SLC22A23: variants seen among roughly 807,000 people sequenced by gnomAD.
The protein encoded by SLC22A23 is solute carrier family 22 member 23, also known as ion transporter protein.
Under a neutral mutation model 61.0 loss-of-function variants are expected in SLC22A23, and 26 were observed. The observed-to-expected ratio is 0.43, with a 90% CI of 0.31 to 0.59. SLC22A23 has a LOEUF of 0.59. SLC22A23 is among the 20% of genes least tolerant of loss of function. SLC22A23 has a pLI of 0.11. For missense variants in SLC22A23, 796 were observed against 934.7 expected (o/e 0.85, Z 1.94); for synonymous variants, 430 against 413.9 (o/e 1.04, Z -0.47).
intron 3 of SLC22A23, among the ~76,000 whole-genome samples, chr6:3,339,306 G>T (rs1255131473): frequency 6.6e-6 from 1 of 152,116 alleles, no homozygotes; most frequent in Non-Finnish European, 1.5e-5. Context: ...TGTCTTCAAA[G>T]ACTTTGTCAA....
intron 3 of SLC22A23, among the ~76,000 whole-genome samples, chr6:3,389,770 C>T (rs1472422140): frequency 6.6e-6 from 1 of 152,244 alleles, no homozygotes; most frequent in Non-Finnish European, 1.5e-5. Context: ...GGATCAGAAT[C>T]ACCCCTGCAA....
chr6:3,449,462 A>G (rs1772065755), intron 1 of SLC22A23, among the ~76,000 whole-genome samples: 1 of 152,250 alleles, frequency 6.6e-6, no homozygotes, highest in South Asian at 2.1e-4. Flanking sequence ...ATAAATACAT[A>G]AGAAAATAAT....
In SLC22A23 at chr6:3,333,943, G is replaced by A. The variant is rs1054261247; in HGVS notation, c.914-9941C>T. Among the ~76,000 whole-genome samples, 3 of 152,226 alleles carry A rather than the reference G, an allele frequency of 2.0e-5. No individual in the cohort carries two copies. The highest frequency in any genetic ancestry group is 2.9e-5 in the Non-Finnish European group (2 of 68,040). On this transcript the variant is annotated intron_variant, in intron 3 of 9. Coordinates refer to ENST00000406686, the MANE Select transcript of SLC22A23 (RefSeq NM_015482.2). This position sits in a 1 kb window ranked among gnomAD's most constrained non-coding sequence, Gnocchi z 4.1. ...TAGCCACTGAATCCTCCTCATAAGCGGATGAGGTTGGGAATGGTGATGCTG... is the reference window on the plus strand; with the variant it reads ...TAGCCACTGAATCCTCCTCATAAGCAGATGAGGTTGGGAATGGTGATGCTG...
At chr6:3,385,963 G>T (rs1767275500) in intron 3 of SLC22A23, among the ~76,000 whole-genome samples, 2 of 152,136 alleles carry the variant, frequency 1.3e-5, no homozygotes, top group Non-Finnish European at 2.9e-5. Flanking sequence ...TAGCCTATTA[G>T]GCTGCCAAGA....
intron 2 of SLC22A23, among the ~76,000 whole-genome samples, chr6:3,413,349 T>C (rs62391780): frequency 0.35 from 52,589 of 152,080 alleles, 9,137 homozygotes; most frequent in East Asian, 0.39. Context: ...CCTCACTCTC[T>C]TCTCCCCTGA....
intron 3 of SLC22A23, among the ~76,000 whole-genome samples, chr6:3,396,132 C>T (rs755849910): frequency 6.6e-6 from 1 of 152,142 alleles, no homozygotes; most frequent in Non-Finnish European, 1.5e-5. Context: ...TAGTGATATA[C>T]GGAAGGGAAG....
intron 1 of SLC22A23, chr6:3,439,174 A>G (rs892606993): frequency 5.8e-6 from 2 of 345,144 alleles, no homozygotes; most frequent in African/African-American, 2.2e-5. Context: ...GATGTTTAGC[A>G]GTACCCCTGC....
intron 6 of SLC22A23, among the ~76,000 whole-genome samples, chr6:3,288,888 T>G (rs1277682043): frequency 6.6e-6 from 1 of 152,176 alleles, no homozygotes; most frequent in Non-Finnish European, 1.5e-5. Context: ...CCTCTTGTAC[T>G]CCTCACAAAT....
Position 3,273,100 on chromosome 6 carries a change from G to T in SLC22A23, c.2016C>A (p.Asp672Glu). 6.3e-7 allele frequency: 1 copy of T among 1,595,806 alleles called. No homozygotes were observed. ...SGLHDAAAAG[D>E]TLPEGATANG... is the part of the protein sequence containing the mutation. ...TGGCCGTGGCACCCTCGGGCAGTGT[G>T]TCACCCGCGGCTGCGGCATCGTGGA... is the stretch of plus-strand genomic sequence containing the variant. Residue 672 changes from aspartate to glutamate, a missense_variant, in exon 10 of 10, where the codon GAC becomes GAA. By Grantham distance (45) the Asp-to-Glu change is conservative. Coordinates refer to ENST00000406686, the MANE Select transcript of SLC22A23 (RefSeq NM_015482.2).
At chr6:3,275,189 T>A in intron 9 of SLC22A23, among the ~76,000 whole-genome samples, 1 of 152,222 alleles carries the variant, frequency 6.6e-6, no homozygotes, top group Admixed American at 6.5e-5. Context: ...CAACTGACTG[T>A]AGATGGAGGC....
chr6:3,363,299 CAT>C (rs1226187104), intron 3 of SLC22A23, among the ~76,000 whole-genome samples: 2 of 152,248 alleles, frequency 1.3e-5, no homozygotes, highest in African/African-American at 4.8e-5. Context: ...CAGCACAGCA[CAT>C]GTGTCACAGC....
At chr6:3,402,038 A>G (rs1581823135) in intron 3 of SLC22A23, among the ~76,000 whole-genome samples, 1 of 152,268 alleles carries the variant, frequency 6.6e-6, no homozygotes, top group East Asian at 1.9e-4. Flanking sequence ...TTTTATCACC[A>G]TTCAGAGAAA....
intron 3 of SLC22A23, among the ~76,000 whole-genome samples, chr6:3,401,742 T>C (rs57214257): frequency 0.068 from 10,421 of 152,230 alleles, 530 homozygotes; most frequent in African/African-American, 0.13. Flanking sequence ...TTCTTCTACC[T>C]CCACCCATTT....
chr6:3,385,388 T>C (rs1462348841), intron 3 of SLC22A23, among the ~76,000 whole-genome samples: 2 of 152,034 alleles, frequency 1.3e-5, no homozygotes, highest in African/African-American at 4.8e-5. Flanking sequence ...CGGTGGCCCA[T>C]GGCTATAGTT....
chr6:3,290,607 C>G (rs142081651), intron 5 of SLC22A23: 1 of 153,172 alleles, frequency 6.5e-6, no homozygotes, highest in East Asian at 1.9e-4. Context: ...GCGGCTCCAG[C>G]GGCTCTGAAA....
At chr6:3,338,440 C>T (rs1032840571) in intron 3 of SLC22A23, among the ~76,000 whole-genome samples, 1 of 152,248 alleles carries the variant, frequency 6.6e-6, no homozygotes, top group Non-Finnish European at 1.5e-5. Context: ...AGTGATTCTC[C>T]TGCCTCATCC....
chr6:3,283,647 A>AC, intron 9 of SLC22A23: 1 of 665,180 alleles, frequency 1.5e-6, no homozygotes, highest in Non-Finnish European at 2.5e-6. Flanking sequence ...TGCTGCCTGG[A>AC]CAGGACCCCA....
chr6:3,403,387 C>T (rs1768569260), intron 3 of SLC22A23, among the ~76,000 whole-genome samples: 1 of 150,750 alleles, frequency 6.6e-6, no homozygotes, highest in African/African-American at 2.4e-5. Flanking sequence ...TAATAGGATT[C>T]CAGCCAGCAA....
intron 3 of SLC22A23, among the ~76,000 whole-genome samples, chr6:3,363,902 T>A (rs1266873935): frequency 6.6e-6 from 1 of 152,226 alleles, no homozygotes; most frequent in African/African-American, 2.4e-5. Context: ...AGGGACTGGC[T>A]GACCCTCACA....
Sources: gnomAD v4.1 joint callset for allele counts (sites outside exome capture counted in the v4.1 genomes callset) on GRCh38, gnomAD v4.1.1 for gene constraint, Gnocchi (gnomAD v3.1) non-coding constraint, MANE v1.5 for transcripts, NCBI Gene and HGNC (gene_info 2026-07-23, HGNC 2026-07-21) for gene names.